EXOC6B: variants seen among roughly 807,000 people sequenced by gnomAD.
The protein encoded by EXOC6B is SEC15 homolog B.
A neutral mutation model predicts 113.5 loss-of-function variants in EXOC6B; 54 were observed. That is an observed-to-expected ratio of 0.48 (90% CI 0.38 to 0.60). The LOEUF (loss-of-function observed/expected upper bound fraction) is 0.60. EXOC6B is among the 20% of genes least tolerant of loss of function. EXOC6B has a pLI of 0.00. For missense variants in EXOC6B, 797 were observed against 977.5 expected (o/e 0.82, Z 2.46); for synonymous variants, 357 against 339.0 (o/e 1.05, Z -0.58).
intron 20 of EXOC6B, among the ~76,000 whole-genome samples, chr2:72,234,669 A>T (rs1171167656): frequency 6.6e-6 from 1 of 152,206 alleles, no homozygotes; most frequent in Non-Finnish European, 1.5e-5. Context: ...GCATCTGACA[A>T]AGCTCTATTA....
At chr2:72,586,416 A>G (rs1012326576) in intron 6 of EXOC6B, among the ~76,000 whole-genome samples, 2 of 152,120 alleles carry the variant, frequency 1.3e-5, no homozygotes, top group African/African-American at 2.4e-5. Context: ...CCCCATTAAA[A>G]AGTCGGCAAA....
Position 72,799,068 on chromosome 2 carries a change from G to T in EXOC6B, c.113+26730C>A, listed in dbSNP as rs112431429. On this transcript the variant is annotated intron_variant, in intron 1 of 21. Coordinates refer to ENST00000272427, the MANE Select transcript of EXOC6B (RefSeq NM_015189.3). ...AGCCTGGGCACACATGGGAAACCTCGTCTCTACAAAAAAATACAAAAATTA... is the reference window on the plus strand; with the variant it reads ...AGCCTGGGCACACATGGGAAACCTCTTCTCTACAAAAAAATACAAAAATTA... Among the ~76,000 whole-genome samples the T allele has an allele frequency of 5.4e-4, 82 of 151,054 alleles. 1 individual carries two copies. The highest frequency in any genetic ancestry group is 1.8e-3 in the African/African-American group (74 of 41,116).
chr2:72,311,932 C>T (rs1687211061), intron 20 of EXOC6B, among the ~76,000 whole-genome samples: 1 of 152,182 alleles, frequency 6.6e-6, no homozygotes, highest in Non-Finnish European at 1.5e-5. Context: ...TTGTCCTGTT[C>T]ATGATTTATT....
chr2:72,327,913 T>C (rs1315539695), intron 20 of EXOC6B, among the ~76,000 whole-genome samples: 5 of 152,166 alleles, frequency 3.3e-5, no homozygotes, highest in Admixed American at 1.3e-4. Flanking sequence ...AGATCTTTTT[T>C]GCAGAGACTA....
In EXOC6B at chr2:72,633,270, G is replaced by A. The variant is rs540826024; in HGVS notation, c.670-57602C>T. On this transcript the variant is annotated intron_variant, in intron 6 of 21. Coordinates refer to ENST00000272427, the MANE Select transcript of EXOC6B (RefSeq NM_015189.3). ...AACCTCCTACCCCTATCCCAGGAAC[G>A]GGGGAATAAATTAGGCAGGATCATA... 9.2e-5 allele frequency among the ~76,000 whole-genome samples: 14 copies of A among 152,282 alleles called. No individual in the cohort carries two copies. In the South Asian group the frequency reaches 2.9e-3, roughly 32 times the overall value.
At chr2:72,541,885 G>A (rs1043392339) in intron 8 of EXOC6B, among the ~76,000 whole-genome samples, 1 of 152,104 alleles carries the variant, frequency 6.6e-6, no homozygotes, top group Non-Finnish European at 1.5e-5. Flanking sequence ...TGTTGCCCAG[G>A]CTGGTCTCAA....
At chr2:72,389,266 T>TTA (rs749590231) in intron 18 of EXOC6B, among the ~76,000 whole-genome samples, 2 of 152,004 alleles carry the variant, frequency 1.3e-5, no homozygotes, top group African/African-American at 2.4e-5. Context: ...ATAAGTCTCT[T>TTA]TAAATTATCA....
chr2:72,768,545 TC>T (rs1349687605), intron 1 of EXOC6B, among the ~76,000 whole-genome samples: 1 of 151,246 alleles, frequency 6.6e-6, no homozygotes, highest in Non-Finnish European at 1.5e-5. Context: ...CCTCAGGTGA[TC>T]CCCCCGCCTT....
At chr2:72,378,932 G>A (rs890244665) in intron 19 of EXOC6B, among the ~76,000 whole-genome samples, 1 of 152,090 alleles carries the variant, frequency 6.6e-6, no homozygotes, top group Admixed American at 6.6e-5. Context: ...ATTTTACTTT[G>A]TCAGATACTC....
chr2:72,668,103 AT>A (rs1675526170), intron 6 of EXOC6B, among the ~76,000 whole-genome samples: 3 of 152,218 alleles, frequency 2.0e-5, no homozygotes, highest in Non-Finnish European at 4.4e-5. Context: ...GCCAACAAAC[AT>A]ATGAAACAAT....
intron 6 of EXOC6B, among the ~76,000 whole-genome samples, chr2:72,710,617 T>C (rs1342875322): frequency 6.6e-6 from 1 of 152,228 alleles, no homozygotes; most frequent in African/African-American, 2.4e-5. Context: ...GCATAATATC[T>C]AGCATACAAG....
At chr2:72,752,888 T>C (rs992105035) in intron 1 of EXOC6B, among the ~76,000 whole-genome samples, 9 of 152,092 alleles carry the variant, frequency 5.9e-5, no homozygotes, top group Non-Finnish European at 1.2e-4. Flanking sequence ...TTCTTGGTTC[T>C]CCCCATTCTC....
intron 1 of EXOC6B, among the ~76,000 whole-genome samples, chr2:72,797,247 C>G (rs1482955809): frequency 6.6e-6 from 1 of 152,216 alleles, no homozygotes; most frequent in Admixed American, 6.5e-5. Context: ...AAGGAAAGAG[C>G]TGTTTTTACA....
intron 1 of EXOC6B, among the ~76,000 whole-genome samples, chr2:72,749,562 A>G (rs1220901617): frequency 6.6e-6 from 1 of 152,062 alleles, no homozygotes; most frequent in African/African-American, 2.4e-5. Flanking sequence ...GCCATTAAAA[A>G]AATCACAAAA....
chr2:72,365,892 T>C (rs913732195), intron 19 of EXOC6B, among the ~76,000 whole-genome samples: 3 of 152,040 alleles, frequency 2.0e-5, no homozygotes, highest in African/African-American at 7.2e-5. Context: ...GGTGACAAAT[T>C]AGACCTAGAC....
intron 7 of EXOC6B, among the ~76,000 whole-genome samples, chr2:72,572,937 TA>T (rs1704605961): frequency 6.6e-6 from 1 of 152,204 alleles, no homozygotes; most frequent in African/African-American, 2.4e-5. Context: ...AGCAAATCTT[TA>T]ATATGAATTG....
At chr2:72,766,585 G>T (rs1683070782) in intron 1 of EXOC6B, among the ~76,000 whole-genome samples, 2 of 151,980 alleles carry the variant, frequency 1.3e-5, no homozygotes, top group Admixed American at 1.3e-4. Flanking sequence ...TTATAAAACT[G>T]GAGAAAACCC....
intron 6 of EXOC6B, among the ~76,000 whole-genome samples, chr2:72,662,068 G>C (rs1573577274): frequency 1.5e-5 from 2 of 132,634 alleles, no homozygotes; most frequent in South Asian, 5.7e-4. Flanking sequence ...AAGGAAGGAA[G>C]GGAGGAAAGG....
At chr2:72,476,427 G>A (rs1413608955) in intron 17 of EXOC6B, among the ~76,000 whole-genome samples, 1 of 152,132 alleles carries the variant, frequency 6.6e-6, no homozygotes, top group African/African-American at 2.4e-5. Flanking sequence ...TGGAGGAGGT[G>A]AGTATGAAAT....
Sources: gnomAD v4.1 joint callset for allele counts (sites outside exome capture counted in the v4.1 genomes callset) on GRCh38, gnomAD v4.1.1 for gene constraint, MANE v1.5 for transcripts, NCBI Gene and HGNC (gene_info 2026-07-23, HGNC 2026-07-21) for gene names.